The following CFAP57 variants were observed in gnomAD, a reference collection of about 807,000 sequenced individuals.
The protein encoded by CFAP57 is cilia- and flagella-associated protein 57.
CFAP57 carries 116 observed loss-of-function variants against 146.8 expected under a neutral mutation model. The observed-to-expected ratio is 0.79, with a 90% CI of 0.68 to 0.92. CFAP57 has a LOEUF of 0.92. CFAP57 is among the 40% of genes least tolerant of loss of function. CFAP57 has a pLI of 0.00. For missense variants in CFAP57, 1,377 were observed against 1,527.2 expected, an observed-to-expected ratio of 0.90 and a Z score of 1.64; for synonymous variants, 518 against 552.8, an observed-to-expected ratio of 0.94 and a Z score of 0.88.
At position 43,253,966 on chromosome 1, in the gene CFAP57, G is replaced by A. The variant is rs754773843; in HGVS notation, c.3539-11G>A. 1 of 1,550,264 alleles carries A rather than the reference G, an allele frequency of 6.5e-7. No individual in the cohort carries two copies. Among genetic ancestry groups the A allele is most frequent in the Non-Finnish European group, 8.7e-7 (1 of 1,146,838 alleles). On this transcript the variant is annotated splice_polypyrimidine_tract_variant and intron_variant, in intron 22 of 22. Transcript: ENST00000372492. ...TGGACAGGCCCACATGAGTCCTGTT[G>A]TCTCTTACAGAACCCAGCAGGGACA...
chr1:43,209,860 C>T lies in CFAP57; in HGVS notation c.1873C>T (p.Leu625=). The change falls in exon 11 of 23, where the codon CTG becomes TTG. Residue 625 remains leucine (L), a synonymous_variant. Transcript: ENST00000372492. ...AACCATTCGTGCCATGAAGTACCCT[C>T]TGCCTCTGCAGAAGGAATTCAATGA... ...VGTIRAMKYP[L]PLQKEFNEYQ... The T allele has an allele frequency of 6.2e-7, 1 of 1,614,234 alleles. No homozygotes were observed. Among genetic ancestry groups the T allele is most frequent in the East Asian group, 2.2e-5 (1 of 44,876 alleles).
chr1:43,183,556 T>C lies in CFAP57; in HGVS notation c.475-35T>C, dbSNP rs959501403. ...AATAATTCCATCAAGAATAGTTTCA[T>C]AAATTTTTTTCTTCAATTCTCTCAC... On this transcript the variant is annotated intron_variant, in intron 3 of 22. Transcript: ENST00000372492. 5.0e-6 allele frequency: 8 copies of C among 1,595,330 alleles called. No homozygotes were observed. The African/African-American group carries it at 9.4e-5, about 19-fold the overall frequency.
intron 11 of CFAP57, among the ~76,000 whole-genome samples, chr1:43,213,096 T>C (rs1390748153): frequency 6.6e-6 from 1 of 152,128 alleles, no homozygotes; most frequent in African/African-American, 2.4e-5. Flanking sequence ...AACTTTTTTT[T>C]CTTTTTTTTG....
At chr1:43,186,896 C>A in intron 6 of CFAP57, 37 bp downstream of exon 6, 1 of 1,613,214 alleles carries the variant, frequency 6.2e-7, no homozygotes, top group Non-Finnish European at 8.5e-7. Context: ...CAGACCAGGA[C>A]CTATCTGCCT....
In CFAP57 at chr1:43,215,257, G is replaced by A; in HGVS notation, c.1932G>A (p.Met644Ile). 6.4e-7 allele frequency: 1 copy of A among 1,551,134 alleles called. No homozygotes were observed. Among genetic ancestry groups the A allele is most frequent in the Non-Finnish European group, 8.7e-7 (1 of 1,147,036 alleles). Residue 644 changes from methionine (M) to isoleucine (I), a missense_variant and splice_region_variant, in exon 12 of 23, where the codon ATG becomes ATA. By Grantham distance (10) the Met-to-Ile change is conservative. Coordinates refer to ENST00000372492, the MANE Select transcript of CFAP57 (RefSeq NM_001378189.1). ...GCCATGACCCTTTTTCTCTTCAGAT[G>A]TTGCTTACCTTTGATGATCAGTTCC... ...YQAHAGPITK[M>I]LLTFDDQFLL...
At chr1:43,244,594 G>A (rs1646042940) in intron 22 of CFAP57, among the ~76,000 whole-genome samples, 1 of 152,156 alleles carries the variant, frequency 6.6e-6, no homozygotes, top group Admixed American at 6.5e-5. Context: ...TGAGAGCATA[G>A]CGTGTGTCAT....
At chr1:43,208,004 G>A (rs1644429507) in intron 10 of CFAP57, among the ~76,000 whole-genome samples, 1 of 152,246 alleles carries the variant, frequency 6.6e-6, no homozygotes, top group Non-Finnish European at 1.5e-5. Flanking sequence ...CTGGCACATT[G>A]TGTGGTGCAC....
At chr1:43,239,493 G>A (rs970686073) in intron 21 of CFAP57, among the ~76,000 whole-genome samples, 8 of 152,158 alleles carry the variant, frequency 5.3e-5, no homozygotes, top group South Asian at 4.1e-4. Context: ...TCCACTTGCC[G>A]GGGGGCCTTT....
chr1:43,221,372 G>A lies in CFAP57; in HGVS notation c.2248G>A (p.Val750Ile), dbSNP rs1645037363. 1.3e-6 allele frequency: 2 copies of A among 1,541,406 alleles called. No homozygotes were observed. Among genetic ancestry groups the A allele is most frequent in the African/African-American group, 1.4e-5 (1 of 72,926 alleles). ...EMESLKTKNQ[V>I]LRTEKEKQDV... ...ATGAGGAAATGTGACTCTGTTTTAG[G>A]TCTTAAGAACAGAAAAAGAGAAGCA... Residue 750 changes from valine (V) to isoleucine (I), a missense_variant and splice_region_variant, in exon 14 of 23, where the codon GTC becomes ATC. Transcript: ENST00000372492.
At chr1:43,172,536 G>C (rs1285486378) in intron 1 of CFAP57, 83 bp downstream of exon 1, 19 of 1,263,930 alleles carry the variant, frequency 1.5e-5, no homozygotes, top group Non-Finnish European at 1.6e-5. Context: ...GGAGCCGCGG[G>C]GGTGGGGTGG....
intron 5 of CFAP57, among the ~76,000 whole-genome samples, 185 bp from the exon 6 acceptor site, chr1:43,186,522 A>T (rs551114965): frequency 2.1e-4 from 32 of 149,386 alleles, no homozygotes; most frequent in Non-Finnish European, 4.3e-4. Flanking sequence ...GAGGCAGGAG[A>T]ATGGCGTGAA....
Position 43,219,527 on chromosome 1 carries a change from C to T in CFAP57, c.2237C>T (p.Thr746Ile), listed in dbSNP as rs780754800. ...ATCCAGGAAATGGAGTCCTTGAAAA[C>T]AAAAAACCAGGTCTGTTTAAGAGAC... ...KFIQEMESLKTKNQVLRTEKE... is the reference protein window; with the variant it reads ...KFIQEMESLKIKNQVLRTEKE... The change falls in exon 13 of 23, where the codon ACA becomes ATA. Residue 746 changes from threonine to isoleucine, a missense_variant. By Grantham distance (89) the Thr-to-Ile change is moderately conservative (BLOSUM62 -1). Coordinates refer to ENST00000372492, the MANE Select transcript of CFAP57 (RefSeq NM_001378189.1). The T allele has an allele frequency of 1.3e-4, 202 of 1,550,310 alleles. 4 individuals carry two copies. The South Asian group carries it at 1.8e-3, about 14-fold the overall frequency.
At chr1:43,210,873 T>C (rs1644574507) in intron 11 of CFAP57, 1 of 151,866 alleles carries the variant, frequency 6.6e-6, no homozygotes, top group South Asian at 2.1e-4. Flanking sequence ...AAAAGAATTA[T>C]CTTGCACGCG....
intron 22 of CFAP57, among the ~76,000 whole-genome samples, chr1:43,245,564 G>A (rs1203127465): frequency 6.6e-6 from 1 of 151,924 alleles, no homozygotes; most frequent in African/African-American, 2.4e-5. Flanking sequence ...CCCCGACCCA[G>A]AAGCCAGAGT....
chr1:43,195,949 T>C (rs1198183337), intron 6 of CFAP57, among the ~76,000 whole-genome samples: 1 of 152,138 alleles, frequency 6.6e-6, no homozygotes, highest in Non-Finnish European at 1.5e-5. Context: ...GCTTCTGAGA[T>C]ACAAAATGAA....
intron 19 of CFAP57, among the ~76,000 whole-genome samples, chr1:43,233,355 G>A (rs547427138): frequency 2.0e-5 from 3 of 152,310 alleles, no homozygotes; most frequent in South Asian, 2.1e-4. Context: ...CAGGCATGGC[G>A]GCACACGCCT....
chr1:43,216,727 C>T (rs1400411368), intron 12 of CFAP57, among the ~76,000 whole-genome samples: 5 of 152,156 alleles, frequency 3.3e-5, no homozygotes, highest in Admixed American at 6.5e-5. Context: ...TCTTCCTCCG[C>T]CTGTCCCTTA....
chr1:43,194,878 C>T (rs1298754031), intron 6 of CFAP57: 1 of 151,990 alleles, frequency 6.6e-6, no homozygotes, highest in East Asian at 1.9e-4. Context: ...TCATGGTTTC[C>T]TTTAGTTTTT....
chr1:43,240,527 G>C (rs966718937), intron 21 of CFAP57, among the ~76,000 whole-genome samples: 2 of 152,138 alleles, frequency 1.3e-5, no homozygotes, highest in Non-Finnish European at 2.9e-5. Flanking sequence ...AGCAAGGCCT[G>C]GGTTGGTTCA....
Sources: allele counts gnomAD v4.1 joint callset (sites outside exome capture counted in the v4.1 genomes callset), GRCh38; gene constraint gnomAD v4.1.1; transcripts MANE v1.5; gene names NCBI Gene and HGNC (gene_info 2026-07-23, HGNC 2026-07-21).